The following CADM2 variants were observed in gnomAD, a reference collection of about 807,000 sequenced individuals.
CADM2 encodes the protein immunoglobulin superfamily member 4D.
A neutral mutation model predicts 49.8 loss-of-function variants in CADM2; 12 were observed. The ratio of observed to expected loss-of-function variants is 0.24; its 90% confidence interval spans 0.15 to 0.39. CADM2 has a LOEUF of 0.39. Among genes scored for constraint, CADM2 ranks in the 10% least tolerant of loss-of-function variants. The probability of loss-of-function intolerance (pLI) is 1.00; values close to 1 mark genes in which losing one functional copy is unlikely to be tolerated. For synonymous variants in CADM2, 214 were observed against 175.4 expected (o/e 1.22, Z -1.74); for missense variants, 378 against 492.3 (o/e 0.77, Z 2.20).
At chr3:85,413,155 A>AAAT (rs1559827238) in intron 1 of CADM2, among the ~76,000 whole-genome samples, 1 of 142,818 alleles carries the variant, frequency 7.0e-6, no homozygotes, top group African/African-American at 2.6e-5. Flanking sequence ...AAAAAAAAAA[A>AAAT]AAAAAAAATA....
At chr3:86,065,782 A>G in intron 9 of CADM2, 52 bp downstream of exon 9, 1 of 1,576,872 alleles carries the variant, frequency 6.3e-7, no homozygotes. Context: ...TTCTAGACTA[A>G]CTTCATTATA....
intron 1 of CADM2, among the ~76,000 whole-genome samples, chr3:85,048,933 A>G (rs911627074): frequency 1.3e-5 from 2 of 152,204 alleles, no homozygotes; most frequent in Non-Finnish European, 2.9e-5. Context: ...GAAAATGGAA[A>G]GAAAAGATGG....
intron 1 of CADM2, among the ~76,000 whole-genome samples, chr3:85,590,064 A>T (rs1166559876): frequency 6.6e-6 from 1 of 152,004 alleles, no homozygotes; most frequent in Non-Finnish European, 1.5e-5. Flanking sequence ...ATTTATTTAC[A>T]TGGTAATAAA....
chr3:85,247,618 A>C (rs2042679993), intron 1 of CADM2, among the ~76,000 whole-genome samples: 1 of 151,960 alleles, frequency 6.6e-6, no homozygotes, highest in Non-Finnish European at 1.5e-5. Flanking sequence ...CTGATTGTAT[A>C]ATATAATTCC....
chr3:85,702,472 C>T (rs2066810775), intron 1 of CADM2, among the ~76,000 whole-genome samples: 2 of 152,024 alleles, frequency 1.3e-5, no homozygotes, highest in Admixed American at 1.3e-4. Context: ...TTTTCATTAC[C>T]TTGCTATTAT....
chr3:85,280,411 G>A (rs1004605893), intron 1 of CADM2, among the ~76,000 whole-genome samples: 1 of 151,296 alleles, frequency 6.6e-6, no homozygotes, highest in African/African-American at 2.4e-5. Context: ...CTGCTGAAAA[G>A]TCTTCTGATA....
chr3:85,383,905 ATTGAG>A (rs1430804091), intron 1 of CADM2, among the ~76,000 whole-genome samples: 1 of 152,238 alleles, frequency 6.6e-6, no homozygotes, highest in East Asian at 1.9e-4. Flanking sequence ...TTGATGAATA[ATTGAG>A]TTATTTCTAA....
intron 1 of CADM2, among the ~76,000 whole-genome samples, chr3:85,597,923 G>A (rs902644163): frequency 1.1e-4 from 17 of 151,976 alleles, no homozygotes; most frequent in African/African-American, 3.6e-4. Context: ...ATTAAATGCT[G>A]ACCAACTCTA....
intron 1 of CADM2, among the ~76,000 whole-genome samples, chr3:85,025,450 G>A (rs1485851647): frequency 6.6e-6 from 1 of 152,142 alleles, no homozygotes; most frequent in Admixed American, 6.5e-5. Flanking sequence ...TTTCTTCCAT[G>A]AGTAAACTTT....
chr3:85,798,045 A>C (rs1049295300), intron 2 of CADM2, among the ~76,000 whole-genome samples: 2 of 151,952 alleles, frequency 1.3e-5, no homozygotes, highest in African/African-American at 4.8e-5. Context: ...TGTTTATTGG[A>C]TGCATAAATG....
chr3:85,809,326 C>G (rs2072661357), intron 3 of CADM2, among the ~76,000 whole-genome samples: 1 of 152,056 alleles, frequency 6.6e-6, no homozygotes, highest in African/African-American at 2.4e-5. Flanking sequence ...TGAGGTGGCT[C>G]ACACCTGTAA....
chr3:85,216,745 A>G (rs2041937823), intron 1 of CADM2, among the ~76,000 whole-genome samples: 1 of 152,126 alleles, frequency 6.6e-6, no homozygotes. Flanking sequence ...TATAAAGGTC[A>G]TATTTATGAT....
chr3:85,554,490 A>G (rs895752829), intron 1 of CADM2, among the ~76,000 whole-genome samples: 3 of 152,156 alleles, frequency 2.0e-5, no homozygotes, highest in Non-Finnish European at 4.4e-5. Flanking sequence ...ACCAAGAATC[A>G]ATTATAGACG....
intron 1 of CADM2, among the ~76,000 whole-genome samples, chr3:84,967,065 C>G (rs749258040): frequency 1.3e-3 from 190 of 151,984 alleles, no homozygotes; most frequent in Non-Finnish European, 1.9e-3. Flanking sequence ...GGTTAATTTA[C>G]AGTAAGGATA....
intron 1 of CADM2, among the ~76,000 whole-genome samples, chr3:85,371,677 G>GTGTATA (rs1251505613): frequency 2.8e-3 from 265 of 95,116 alleles, no homozygotes; most frequent in African/African-American, 6.3e-3. Flanking sequence ...GTGTGTGTGT[G>GTGTATA]TATATATATA....
At chr3:85,397,050 C>T (rs2034826655) in intron 1 of CADM2, among the ~76,000 whole-genome samples, 1 of 151,816 alleles carries the variant, frequency 6.6e-6, no homozygotes, top group African/African-American at 2.4e-5. Context: ...TTAAAAACTC[C>T]TACAACACAA....
chr3:84,984,048 T>TATATACAC (rs1224516135), intron 1 of CADM2, among the ~76,000 whole-genome samples: 4 of 143,232 alleles, frequency 2.8e-5, no homozygotes, highest in African/African-American at 1.0e-4. Context: ...TATATATATA[T>TATATACAC]ACACACACAC....
intron 8 of CADM2, among the ~76,000 whole-genome samples, chr3:86,006,358 G>T (rs943768693): frequency 2.6e-5 from 4 of 152,294 alleles, no homozygotes; most frequent in African/African-American, 7.2e-5. Flanking sequence ...GGCAGGATCT[G>T]GGCAGAGAGA....
intron 2 of CADM2, among the ~76,000 whole-genome samples, chr3:85,799,126 C>T (rs1057144548): frequency 6.6e-5 from 10 of 152,104 alleles, no homozygotes; most frequent in Non-Finnish European, 1.2e-4. Context: ...ATTTTGTATC[C>T]TGAGACTTTG....
Sources: allele counts gnomAD v4.1 joint callset (sites outside exome capture counted in the v4.1 genomes callset), GRCh38; gene constraint gnomAD v4.1.1; transcripts MANE v1.5; gene names NCBI Gene and HGNC (gene_info 2026-07-23, HGNC 2026-07-21).